PHF14: variants seen among roughly 807,000 people sequenced by gnomAD.
The protein encoded by PHF14 is PHD finger protein 14.
In PHF14, 55 loss-of-function variants were observed where a neutral mutation model predicts 117.9. That is an observed-to-expected ratio of 0.47 (90% CI 0.38 to 0.58). The LOEUF is 0.58. Ranked by LOEUF, PHF14 falls within the 20% of genes least tolerant of loss-of-function variation. The probability of loss-of-function intolerance (pLI) is 0.00; values close to 1 mark genes in which losing one functional copy is unlikely to be tolerated. For missense variants in PHF14, 978 were observed against 1,122.2 expected (o/e 0.87, Z 1.84); for synonymous variants, 409 against 368.6 (o/e 1.11, Z -1.26).
intron 16 of PHF14, among the ~76,000 whole-genome samples, chr7:11,073,595 C>G (rs1262880331): frequency 6.6e-6 from 1 of 152,154 alleles, no homozygotes; most frequent in Non-Finnish European, 1.5e-5. Flanking sequence ...GCTGGTGGCT[C>G]TACCATTCTA....
At chr7:10,975,936 A>T (rs1413564864) in intron 2 of PHF14, among the ~76,000 whole-genome samples, 1 of 151,148 alleles carries the variant, frequency 6.6e-6, no homozygotes, top group Admixed American at 6.5e-5. Context: ...TGCTACTTTT[A>T]GTAGCATCAA....
At chr7:11,043,413 A>G (rs931428571) in intron 13 of PHF14, among the ~76,000 whole-genome samples, 2 of 152,098 alleles carry the variant, frequency 1.3e-5, no homozygotes, top group Admixed American at 1.3e-4. Flanking sequence ...TTTTAATAGA[A>G]TGATTTCTCA....
At chr7:11,118,457 G>T (rs1275155220) in intron 17 of PHF14, among the ~76,000 whole-genome samples, 1 of 151,560 alleles carries the variant, frequency 6.6e-6, no homozygotes, top group Non-Finnish European at 1.5e-5. Context: ...ATTGAGTGCT[G>T]TACTTTGGGA....
chr7:11,081,534 A>G (rs1293738449), intron 16 of PHF14, among the ~76,000 whole-genome samples: 1 of 152,192 alleles, frequency 6.6e-6, no homozygotes. Context: ...TGTGTGGGAA[A>G]ACATTTAAGT....
chr7:11,093,020 G>T lies in PHF14; in HGVS notation c.2655-18330G>T, dbSNP rs1405617189. The stretch of plus-strand genomic sequence containing the variant: ...GAGACAGTGATCTGTTTTCACTATA[G>T]TCAGAAAGTGTGATACAGTCCTGCC... On this transcript the variant is annotated intron_variant, in intron 16 of 17. Transcript: ENST00000634607. 2.0e-5 allele frequency among the ~76,000 whole-genome samples: 3 copies of T among 152,264 alleles called. No individual in the cohort carries two copies. The East Asian group carries it at 5.8e-4, about 29-fold the overall frequency.
At chr7:11,023,080 T>A in intron 6 of PHF14, 101 bp downstream of exon 6, 1 of 565,128 alleles carries the variant, frequency 1.8e-6, no homozygotes, top group Non-Finnish European at 3.1e-6. Context: ...AAATGCTTAC[T>A]AGGAATCATT....
chr7:11,165,134 A>G (rs151150557), intron 17 of PHF14, among the ~76,000 whole-genome samples: 3,873 of 152,282 alleles, frequency 0.025, 149 homozygotes, highest in African/African-American at 0.088. Context: ...CATGTTGGCC[A>G]GGATAGTCTC....
intron 16 of PHF14, chr7:11,106,894 T>C (rs867955690): frequency 4.6e-5 from 45 of 982,994 alleles, no homozygotes; most frequent in African/African-American, 4.2e-4. Flanking sequence ...TATAAACTTA[T>C]AGGGGCTACA....
intron 2 of PHF14, among the ~76,000 whole-genome samples, chr7:10,977,410 C>A (rs1040469781): frequency 8.5e-5 from 13 of 152,060 alleles, no homozygotes; most frequent in Non-Finnish European, 1.6e-4. Flanking sequence ...TTACCTTCAT[C>A]TTGAAATCTG....
intron 4 of PHF14, among the ~76,000 whole-genome samples, chr7:11,001,695 A>G (rs1274353085): frequency 2.0e-5 from 3 of 152,224 alleles, no homozygotes; most frequent in South Asian, 2.1e-4. Context: ...TAAGAAAGCA[A>G]TTGGCTTTTG....
chr7:11,096,160 G>A (rs1444306378), intron 16 of PHF14, among the ~76,000 whole-genome samples: 3 of 151,874 alleles, frequency 2.0e-5, no homozygotes, highest in Non-Finnish European at 2.9e-5. Context: ...CTTTTTCGGT[G>A]TCTGAGTATA....
At chr7:11,062,784 G>C (rs1389348345) in intron 16 of PHF14, 1 of 985,108 alleles carries the variant, frequency 1.0e-6, no homozygotes, top group African/African-American at 1.7e-5. Flanking sequence ...TGGTGAGATG[G>C]GGGAGTGAGT....
At chr7:10,986,792 C>G (rs1782241199) in intron 3 of PHF14, among the ~76,000 whole-genome samples, 1 of 152,020 alleles carries the variant, frequency 6.6e-6, no homozygotes, top group Non-Finnish European at 1.5e-5. Flanking sequence ...TTCCCATTTT[C>G]AAGATTTTGA....
At chr7:11,063,200 TA>T (rs1785296474) in intron 16 of PHF14, 1 of 982,120 alleles carries the variant, frequency 1.0e-6, no homozygotes. Context: ...TAAGAAAGTT[TA>T]TAATAATTGG....
intron 16 of PHF14, among the ~76,000 whole-genome samples, chr7:11,067,168 C>T (rs1785451822): frequency 6.6e-6 from 1 of 151,932 alleles, no homozygotes; most frequent in Admixed American, 6.6e-5. Context: ...AATATTTCTC[C>T]AAAGAAGATA....
At chr7:11,011,261 A>G (rs1412704859) in intron 4 of PHF14, among the ~76,000 whole-genome samples, 1 of 152,080 alleles carries the variant, frequency 6.6e-6, no homozygotes, top group Non-Finnish European at 1.5e-5. Context: ...CTCAGTATTC[A>G]TTCATTTATA....
chr7:10,998,948 T>C (rs1283086067), intron 4 of PHF14, among the ~76,000 whole-genome samples: 1 of 152,218 alleles, frequency 6.6e-6, no homozygotes, highest in African/African-American at 2.4e-5. Flanking sequence ...ACAGTAGTTT[T>C]GAGTAATTGA....
At chr7:11,120,696 T>C (rs1372101981) in intron 17 of PHF14, among the ~76,000 whole-genome samples, 1 of 152,094 alleles carries the variant, frequency 6.6e-6, no homozygotes, top group Non-Finnish European at 1.5e-5. Context: ...TTAATATTGA[T>C]GGTAATTCAT....
intron 17 of PHF14, among the ~76,000 whole-genome samples, chr7:11,120,600 T>C (rs1378680870): frequency 6.6e-6 from 1 of 152,072 alleles, no homozygotes; most frequent in East Asian, 1.9e-4. Context: ...AATGTATTTT[T>C]AAACCATGGC....
Sources: allele counts gnomAD v4.1 joint callset (sites outside exome capture counted in the v4.1 genomes callset), GRCh38; gene constraint gnomAD v4.1.1; transcripts MANE v1.5; gene names NCBI Gene and HGNC (gene_info 2026-07-23, HGNC 2026-07-21).